The following OPRK1 variants were observed in gnomAD, a reference collection of about 807,000 sequenced individuals.
OPRK1 encodes the protein opioid receptor kappa 1.
A neutral mutation model predicts 24.5 loss-of-function variants in OPRK1; 15 were observed. The observed-to-expected ratio is 0.61, with a 90% CI of 0.41 to 0.94. OPRK1 has a LOEUF of 0.94. OPRK1 is among the 40% of genes least tolerant of loss of function. The pLI is 0.00. For missense variants in OPRK1, 479 were observed against 507.3 expected, an observed-to-expected ratio of 0.94 and a Z score of 0.54; for synonymous variants, 205 against 198.0, an observed-to-expected ratio of 1.04 and a Z score of -0.30.
rs561300626 is a variant in OPRK1 at position 53,226,070 on chromosome 8, A to G, written c.*3227T>C. 5.3e-5 allele frequency: 8 copies of G among 152,334 alleles called. No homozygotes were observed. Among genetic ancestry groups the G allele is most frequent in the African/African-American group, 1.7e-4 (7 of 41,584 alleles). 9.4% of individuals were successfully genotyped at this position (152,334 alleles called of 1,614,324 possible). On this transcript the variant is annotated 3_prime_UTR_variant, in exon 4 of 4. Coordinates refer to ENST00000265572, the MANE Select transcript of OPRK1 (RefSeq NM_000912.5). ...TGCATGAGTCATCGTATTTCATCCC[A>G]GGACTAGATGAAACACCTATAAATT...
rs770998537 is a variant in OPRK1, at chr8:53,250,926, T to C, written c.112A>G (p.Ser38Gly). The change falls in exon 2 of 4, where the codon AGC (serine) becomes GGC (glycine). Residue 38 changes from serine to glycine, a missense_variant. Physicochemically the swap from Ser to Gly is moderately conservative, Grantham distance 56. Coordinates refer to ENST00000265572, the MANE Select transcript of OPRK1 (RefSeq NM_000912.5). ...AWFPGWAEPD[S>G]NGSAGSEDAQ... The stretch of plus-strand genomic sequence containing the variant: ...TCCTCCGAGCCGGCGCTGCCGTTGC[T>C]GTCGGGCTCGGCCCAGCCGGGAAAC... The C allele has an allele frequency of 1.1e-5, 17 of 1,612,000 alleles. 2 individuals carry two copies. The South Asian group carries it at 1.4e-4, about 14-fold the overall frequency.
At position 53,229,678 on chromosome 8, in the gene OPRK1, C is replaced by T. The variant is rs1225303841; in HGVS notation, c.762G>A (p.Lys254=). 5.6e-6 allele frequency: 9 copies of T among 1,613,974 alleles called. No individual in the cohort carries two copies. Among genetic ancestry groups the T allele is most frequent in the Non-Finnish European group, 7.6e-6 (9 of 1,180,020 alleles). Residue 254 remains lysine (K), a synonymous_variant, in exon 4 of 4, where the codon AAG becomes AAA. Transcript: ENST00000265572. ...VCYTLMILRL[K]SVRLLSGSRE... The stretch of plus-strand genomic sequence containing the variant: ...GGGAGCCAGAAAGGAGCCGGACGCT[C>T]TTGAGACGCAGGATCATCAGGGTGT...
chr8:53,231,265 CA>C (rs1806847533), intron 3 of OPRK1, among the ~76,000 whole-genome samples: 1 of 151,688 alleles, frequency 6.6e-6, no homozygotes, highest in Non-Finnish European at 1.5e-5. Flanking sequence ...ATAAGATATC[CA>C]TTAAGCAACT....
At chr8:53,240,627 G>A (rs192963030) in intron 2 of OPRK1, among the ~76,000 whole-genome samples, 1 of 152,048 alleles carries the variant, frequency 6.6e-6, no homozygotes, top group Admixed American at 6.5e-5. Flanking sequence ...CATTTTCCTG[G>A]GCGTGTCTTC....
At chr8:53,250,640 C>T (rs78197151) in intron 2 of OPRK1, 141 bp downstream of exon 2, 2 of 899,474 alleles carry the variant, frequency 2.2e-6, no homozygotes, top group Non-Finnish European at 3.3e-6. Context: ...TAGGAAGCCA[C>T]CCTGTAGCAT....
intron 2 of OPRK1, chr8:53,238,491 A>T: frequency 1.0e-6 from 1 of 967,260 alleles, no homozygotes; most frequent in Non-Finnish European, 1.2e-6. Context: ...ATGGGAAGCA[A>T]GGGGCAGGCC....
intron 2 of OPRK1, among the ~76,000 whole-genome samples, chr8:53,243,617 C>G (rs1216413586): frequency 2.0e-5 from 3 of 152,198 alleles, no homozygotes; most frequent in African/African-American, 4.8e-5. Flanking sequence ...TCACACATCC[C>G]TCAGGGGAGA....
At chr8:53,240,081 C>A (rs1250274502) in intron 2 of OPRK1, among the ~76,000 whole-genome samples, 1 of 152,134 alleles carries the variant, frequency 6.6e-6, no homozygotes, top group Admixed American at 6.5e-5. Flanking sequence ...AGAAACAGGG[C>A]AAGGTCCAGG....
chr8:53,250,832 A>G lies in OPRK1; in HGVS notation c.206T>C (p.Val69Ala). Residue 69 changes from valine (V) to alanine (A), a missense_variant, in exon 2 of 4, where the codon GTG (valine) becomes GCG (alanine). Coordinates refer to ENST00000265572, the MANE Select transcript of OPRK1 (RefSeq NM_000912.5). ...GTTGCCCACCAAGCCCACGACGAAC[A>G]CTACGGAGTAGACCGCCGTGATGAT... ...PVIITAVYSV[V>A]FVVGLVGNSL... 6.2e-7 allele frequency: 1 copy of G among 1,611,826 alleles called. No homozygotes were observed. The highest frequency in any genetic ancestry group is 8.5e-7 in the Non-Finnish European group (1 of 1,179,048).
chr8:53,237,896 T>G (rs925125561), intron 2 of OPRK1, among the ~76,000 whole-genome samples: 5 of 152,084 alleles, frequency 3.3e-5, no homozygotes, highest in Non-Finnish European at 5.9e-5. Flanking sequence ...AGGACCTCAG[T>G]GGGAGGATCT....
rs3802281 is a variant in OPRK1, at chr8:53,228,603, T to C, written c.*694A>G. ...GGGACATGCTTTATTATAAGACTGTTTACCTGAATAGCATGCTAAGAAAAA... is the reference window on the plus strand; with the variant it reads ...GGGACATGCTTTATTATAAGACTGTCTACCTGAATAGCATGCTAAGAAAAA... On this transcript the variant is annotated 3_prime_UTR_variant, in exon 4 of 4. Coordinates refer to ENST00000265572, the MANE Select transcript of OPRK1 (RefSeq NM_000912.5). The C allele has an allele frequency of 0.24, 36,987 of 152,232 alleles. 6,225 individuals are homozygous for C. Among genetic ancestry groups the C allele is most frequent in the African/African-American group, 0.48 (19,735 of 41,480 alleles). The allele number at this position is 152,232 out of a possible 1,614,324, so 9.4% of individuals were successfully genotyped here. A position where few individuals can be genotyped will look rare whatever the true frequency, so the allele number is the denominator to read the frequency against.
At chr8:53,246,255 C>G (rs891091294) in intron 2 of OPRK1, among the ~76,000 whole-genome samples, 1 of 152,164 alleles carries the variant, frequency 6.6e-6, no homozygotes, top group South Asian at 2.1e-4. Context: ...ACCCTCCACA[C>G]AAGCCAAGTG....
intron 2 of OPRK1, among the ~76,000 whole-genome samples, chr8:53,237,616 A>C (rs1807024792): frequency 6.6e-6 from 1 of 152,190 alleles, no homozygotes; most frequent in Non-Finnish European, 1.5e-5. Flanking sequence ...ACTAAGAATC[A>C]CAGGATTTTC....
At chr8:53,232,784 G>A (rs1563327047) in intron 3 of OPRK1, among the ~76,000 whole-genome samples, 1 of 152,084 alleles carries the variant, frequency 6.6e-6, no homozygotes, top group Non-Finnish European at 1.5e-5. Context: ...AGCTTTTCTT[G>A]TGTGTATTCA....
At position 53,246,007 on chromosome 8, in the gene OPRK1, A is replaced by C. The variant is rs79238609; in HGVS notation, c.257+4774T>G. 4.6e-3 allele frequency among the ~76,000 whole-genome samples: 707 copies of C among 152,266 alleles called. 6 individuals carry two copies. Among genetic ancestry groups the C allele is most frequent in the African/African-American group, 0.016 (665 of 41,550 alleles). ...GCCATTTTTTTGTGAGAAATTTCTT[A>C]ACATGGACATCCTCTACTGGTCCTG... On this transcript the variant is annotated intron_variant, in intron 2 of 3. Transcript: ENST00000265572.
chr8:53,248,612 T>C (rs1341536520), intron 2 of OPRK1, among the ~76,000 whole-genome samples: 1 of 152,194 alleles, frequency 6.6e-6, no homozygotes, highest in African/African-American at 2.4e-5. Flanking sequence ...TCAATTCTTC[T>C]TCAAAGGTTT....
rs1037192428 is a variant in OPRK1 at position 53,228,738 on chromosome 8, T to A, written c.*559A>T. 2 of 152,372 alleles carry A rather than the reference T, an allele frequency of 1.3e-5. No homozygotes were observed. Among genetic ancestry groups the A allele is most frequent in the Non-Finnish European group, 2.9e-5 (2 of 68,198 alleles). 9.4% of individuals were successfully genotyped at this position (152,372 alleles called of 1,614,324 possible). A position where few individuals can be genotyped will look rare whatever the true frequency, so the allele number is the denominator to read the frequency against. ...CTGGTATAAGTGAACATCAGATTCC[T>A]CAGATGTGGGTCCAAGCCATATGTA... is the stretch of plus-strand genomic sequence containing the variant. On this transcript the variant is annotated 3_prime_UTR_variant, in exon 4 of 4. Coordinates refer to ENST00000265572, the MANE Select transcript of OPRK1 (RefSeq NM_000912.5).
At chr8:53,234,509 T>C (rs912217264) in intron 3 of OPRK1, among the ~76,000 whole-genome samples, 7 of 152,188 alleles carry the variant, frequency 4.6e-5, no homozygotes, top group Non-Finnish European at 7.4e-5. Context: ...CACTTTCTAC[T>C]AAACATTGCC....
chr8:53,234,771 T>C lies in OPRK1; in HGVS notation c.598A>G (p.Lys200Glu), dbSNP rs77476023. Residue 200 changes from lysine (K) to glutamate (E), a missense_variant, in exon 3 of 4, where the codon AAA (lysine) becomes GAA (glutamate). Transcript: ENST00000265572. Reference protein sequence around the residue: ...GISAIVLGGTKVREDVDVIEC... With the variant: ...GISAIVLGGTEVREDVDVIEC... ...TGACTGCTCTTACCTTCCCTGACTT[T>C]GGTGCCTCCAAGGACTATTGCAGAG... 2.9e-4 allele frequency: 467 copies of C among 1,609,364 alleles called. 1 individual carries two copies. The African/African-American group carries it at 5.8e-3, about 20-fold the overall frequency.
Sources: gnomAD v4.1 joint callset for allele counts (sites outside exome capture counted in the v4.1 genomes callset) on GRCh38, gnomAD v4.1.1 for gene constraint, MANE v1.5 for transcripts, NCBI Gene and HGNC (gene_info 2026-07-23, HGNC 2026-07-21) for gene names.